Variants in RTTN observed in about 807,000 individuals in gnomAD.
The protein encoded by RTTN is rotatin.
A neutral mutation model predicts 269.2 loss-of-function variants in RTTN; 182 were observed. That is an observed-to-expected ratio of 0.68 (90% CI 0.60 to 0.76). The LOEUF (loss-of-function observed/expected upper bound fraction) is 0.76. Among genes scored for constraint, RTTN ranks in the 30% least tolerant of loss-of-function variants. The pLI is 0.00. For synonymous variants in RTTN, 1,006 were observed against 963.5 expected, an observed-to-expected ratio of 1.04 and a Z score of -0.82; for missense variants, 2,545 against 2,608.6, an observed-to-expected ratio of 0.98 and a Z score of 0.53.
intron 25 of RTTN, among the ~76,000 whole-genome samples, chr18:70,126,375 TA>T (rs1276618677): frequency 6.6e-6 from 1 of 152,098 alleles, no homozygotes; most frequent in Non-Finnish European, 1.5e-5. Flanking sequence ...CGAGACTGTT[TA>T]AATGCGGGAG....
At position 70,140,124 on chromosome 18, in the gene RTTN, A is replaced by C; in HGVS notation, c.2646T>G (p.Asn882Lys). 6.3e-7 allele frequency: 1 copy of C among 1,598,222 alleles called. No homozygotes were observed. The highest frequency in any genetic ancestry group is 8.6e-7 in the Non-Finnish European group (1 of 1,166,218). ...CCTTGCCATCTTGACTCACACATTC[A>C]TTTAAATACTCAATTATTTTGTCAA... ...CLIDKIIEYL[N>K]ECVSQDGKVV... Residue 882 changes from asparagine (N) to lysine (K), a missense_variant, in exon 20 of 49, where the codon AAT (asparagine) becomes AAG (lysine). Physicochemically the swap from Asn to Lys is moderately conservative, Grantham distance 94 (BLOSUM62 0). Coordinates refer to ENST00000640769, the MANE Select transcript of RTTN (RefSeq NM_173630.4).
chr18:70,163,789 G>A (rs538314062), intron 14 of RTTN, among the ~76,000 whole-genome samples: 7 of 152,106 alleles, frequency 4.6e-5, no homozygotes, highest in Admixed American at 2.0e-4. Context: ...GTGTCATTTC[G>A]GCACTCGAAA....
At chr18:70,056,999 T>C (rs1055691203) in intron 37 of RTTN, among the ~76,000 whole-genome samples, 1 of 152,252 alleles carries the variant, frequency 6.6e-6, no homozygotes, top group African/African-American at 2.4e-5. Flanking sequence ...ACAGTCATTA[T>C]GCAATAGGCA....
rs548713754 is a variant in RTTN at position 70,029,621 on chromosome 18, A to T, written c.5745+391T>A. On this transcript the variant is annotated intron_variant, in intron 42 of 48. Coordinates refer to ENST00000640769, the MANE Select transcript of RTTN (RefSeq NM_173630.4). ...TTTGTTCATGAGATAATAAATATGA[A>T]ATGTTTCAATAGTGGCTGACATATA... 8.5e-5 allele frequency among the ~76,000 whole-genome samples: 13 copies of T among 152,270 alleles called. 1 individual carries two copies. The South Asian group carries it at 2.7e-3, about 32-fold the overall frequency.
chr18:70,050,411 G>A (rs2057625836), intron 39 of RTTN, among the ~76,000 whole-genome samples: 1 of 152,176 alleles, frequency 6.6e-6, no homozygotes, highest in South Asian at 2.1e-4. Flanking sequence ...TTATTCAAAA[G>A]TCAGGAAACA....
rs1200530684 is a variant in RTTN at position 70,047,976 on chromosome 18, G to C, written c.5536C>G (p.Leu1846Val). 6.2e-7 allele frequency: 1 copy of C among 1,612,220 alleles called. No individual in the cohort carries two copies. Among genetic ancestry groups the C allele is most frequent in the Non-Finnish European group, 8.5e-7 (1 of 1,178,430 alleles). ...KSLEQLSDVILQCYEGKSSKD... is the reference protein window; with the variant it reads ...KSLEQLSDVIVQCYEGKSSKD... ...AAAACCAAGAAATGACGTACCTGAA[G>C]GATTACATCACTAAGTTGTTCTAGA... Residue 1846 changes from leucine to valine, a missense_variant, in exon 40 of 49, where the codon CTT becomes GTT. Leu to Val is a conservative substitution (Grantham distance 32). Transcript: ENST00000640769.
intron 48 of RTTN, 143 bp downstream of exon 48, chr18:70,005,055 A>G: frequency 1.9e-6 from 1 of 519,306 alleles, no homozygotes; most frequent in Non-Finnish European, 3.4e-6. Flanking sequence ...TATTTTAAAA[A>G]ATGATATAAT....
intron 40 of RTTN, among the ~76,000 whole-genome samples, chr18:70,044,668 C>T (rs999938105): frequency 6.6e-6 from 1 of 152,144 alleles, no homozygotes; most frequent in Non-Finnish European, 1.5e-5. Context: ...CTCTGTCTCT[C>T]TCTCTAAAAT....
intron 35 of RTTN, among the ~76,000 whole-genome samples, chr18:70,064,156 G>A (rs1285408525): frequency 6.6e-6 from 1 of 151,126 alleles, no homozygotes; most frequent in Non-Finnish European, 1.5e-5. Flanking sequence ...TGGGCAACAT[G>A]ATGAAACCCA....
At chr18:70,205,399 A>AG in intron 1 of RTTN, 84 bp from the exon 2 acceptor site, 1 of 1,550,740 alleles carries the variant, frequency 6.4e-7, no homozygotes, top group Non-Finnish European at 8.8e-7. Flanking sequence ...AGCGGCGTGA[A>AG]GACGGAATAA....
chr18:70,055,382 G>T (rs1047172632), intron 37 of RTTN, among the ~76,000 whole-genome samples: 1 of 151,998 alleles, frequency 6.6e-6, no homozygotes, highest in Non-Finnish European at 1.5e-5. Flanking sequence ...GTGTAATGAA[G>T]AGTCGAGAGC....
intron 26 of RTTN, among the ~76,000 whole-genome samples, chr18:70,117,447 G>T (rs1032151666): frequency 6.6e-6 from 1 of 151,904 alleles, no homozygotes; most frequent in Admixed American, 6.6e-5. Flanking sequence ...AACTGATAGT[G>T]AACACTTAAG....
At chr18:70,037,565 T>C (rs2057212958) in intron 40 of RTTN, among the ~76,000 whole-genome samples, 1 of 152,160 alleles carries the variant, frequency 6.6e-6, no homozygotes, top group Non-Finnish European at 1.5e-5. Flanking sequence ...GCAGGATTCA[T>C]TACTTGCTGA....
At chr18:70,108,130 A>T (rs2059370194) in intron 28 of RTTN, among the ~76,000 whole-genome samples, 1 of 152,132 alleles carries the variant, frequency 6.6e-6, no homozygotes, top group African/African-American at 2.4e-5. Flanking sequence ...GACAAAAATT[A>T]GCTGTGCGTG....
intron 40 of RTTN, chr18:70,031,472 C>T (rs963468236): frequency 3.0e-5 from 12 of 396,996 alleles, no homozygotes; most frequent in Non-Finnish European, 4.9e-5. Flanking sequence ...ATGCACCTGT[C>T]ATATAACATT....
chr18:70,182,386 C>T (rs1021254601), intron 10 of RTTN, among the ~76,000 whole-genome samples: 11 of 151,976 alleles, frequency 7.2e-5, no homozygotes, highest in Middle Eastern at 3.4e-3. Context: ...GACCGACTTA[C>T]ATCAAAATAG....
chr18:70,076,808 A>G (rs1200567141), intron 32 of RTTN, among the ~76,000 whole-genome samples: 1 of 151,986 alleles, frequency 6.6e-6, no homozygotes. Flanking sequence ...GAATGGGGTT[A>G]TGTGGCTCCT....
intron 17 of RTTN, among the ~76,000 whole-genome samples, chr18:70,146,466 C>G (rs536585922): frequency 4.5e-4 from 69 of 152,196 alleles, no homozygotes; most frequent in Non-Finnish European, 7.9e-4. Flanking sequence ...TCTGTCACTC[C>G]TCTGATAGGT....
intron 34 of RTTN, among the ~76,000 whole-genome samples, chr18:70,070,492 T>G (rs537700207): frequency 3.6e-4 from 55 of 152,352 alleles, no homozygotes; most frequent in Admixed American, 5.9e-4. Context: ...CTGCTTAAAC[T>G]ATCCTCTGTC....
Sources: gnomAD v4.1 joint callset for allele counts (sites outside exome capture counted in the v4.1 genomes callset) on GRCh38, gnomAD v4.1.1 for gene constraint, MANE v1.5 for transcripts, NCBI Gene and HGNC (gene_info 2026-07-23, HGNC 2026-07-21) for gene names.